The following ZC3H12D variants were observed in gnomAD, a reference collection of about 807,000 sequenced individuals.
ZC3H12D encodes probable ribonuclease ZC3H12D.
In ZC3H12D, 11 loss-of-function variants were observed where a neutral mutation model predicts 24.2. That is an observed-to-expected ratio of 0.46 (90% CI 0.29 to 0.75). ZC3H12D has a LOEUF of 0.75. ZC3H12D is among the 30% of genes least tolerant of loss of function. The probability of loss-of-function intolerance (pLI) is 0.11; values close to 1 mark genes in which losing one functional copy is unlikely to be tolerated. For missense variants in ZC3H12D, 740 were observed against 767.7 expected, an observed-to-expected ratio of 0.96 and a Z score of 0.43; for synonymous variants, 333 against 341.8, an observed-to-expected ratio of 0.97 and a Z score of 0.28.
intron 2 of ZC3H12D, among the ~76,000 whole-genome samples, chr6:149,473,770 T>C (rs578194081): frequency 1.3e-5 from 2 of 152,226 alleles, no homozygotes; most frequent in African/African-American, 4.8e-5. Context: ...AGAAGAGATA[T>C]TTGTGGGCCT....
chr6:149,482,110 G>C (rs1343725491), intron 1 of ZC3H12D, among the ~76,000 whole-genome samples: 1 of 152,230 alleles, frequency 6.6e-6, no homozygotes, highest in Non-Finnish European at 1.5e-5. Flanking sequence ...GAGACTGAAA[G>C]GGGCAAATGT....
chr6:149,465,625 T>C (rs1015781955), intron 2 of ZC3H12D, among the ~76,000 whole-genome samples: 8 of 151,756 alleles, frequency 5.3e-5, no homozygotes, highest in Non-Finnish European at 1.0e-4. Context: ...TGTGATGGCA[T>C]GCACATGTAG....
In ZC3H12D at chr6:149,450,955, C is replaced by A; in HGVS notation, c.1312G>T (p.Ala438Ser). 1 of 1,530,774 alleles carries A rather than the reference C, an allele frequency of 6.5e-7. No individual in the cohort carries two copies. The highest frequency in any genetic ancestry group is 8.8e-7 in the Non-Finnish European group (1 of 1,141,056). 94.8% of individuals were successfully genotyped at this position (1,530,774 alleles called of 1,614,324 possible). A position where few individuals can be genotyped will look rare whatever the true frequency, so the allele number is the denominator to read the frequency against. Residue 438 changes from alanine to serine, a missense_variant, in exon 6 of 6, where the codon GCC becomes TCC. Coordinates refer to ENST00000409806, the MANE Select transcript of ZC3H12D (RefSeq NM_207360.3). ...AAGCGGTCGGAGCGGGGTGGACGGGCCCACGGGTCGTCGGGTGGCCTGCGC... is the reference window on the plus strand; with the variant it reads ...AAGCGGTCGGAGCGGGGTGGACGGGACCACGGGTCGTCGGGTGGCCTGCGC... ...SPRRPPDDPW[A>S]RPPRSDRFPG...
At chr6:149,476,749 A>T (rs1024874807) in intron 1 of ZC3H12D, among the ~76,000 whole-genome samples, 1 of 152,032 alleles carries the variant, frequency 6.6e-6, no homozygotes, top group Non-Finnish European at 1.5e-5. Flanking sequence ...TTGAGGCTGC[A>T]GTGAGCCGAG....
rs1216491734 is a variant in ZC3H12D at position 149,456,654 on chromosome 6, A to C, written c.680+12T>G. 8.3e-6 allele frequency: 8 copies of C among 966,300 alleles called. No individual in the cohort carries two copies. Among genetic ancestry groups the C allele is most frequent in the African/African-American group, 1.7e-5 (1 of 59,854 alleles). The allele number at this position is 966,300 out of a possible 1,614,324, so 59.9% of individuals were successfully genotyped here. A position where few individuals can be genotyped will look rare whatever the true frequency, so the allele number is the denominator to read the frequency against. ...CCGCCCCCCAGGGTGTCAGGACCCC[A>C]GCCGGACCTACCGGTCGTTGACGAA... On this transcript the variant is annotated intron_variant, in intron 4 of 5. Coordinates refer to ENST00000409806, the MANE Select transcript of ZC3H12D (RefSeq NM_207360.3). The surrounding 1 kb of genome is among the most constrained non-coding windows in gnomAD (Gnocchi z 4.3).
intron 1 of ZC3H12D, among the ~76,000 whole-genome samples, chr6:149,482,023 G>A (rs1418922479): frequency 6.6e-6 from 1 of 152,260 alleles, no homozygotes; most frequent in Admixed American, 6.5e-5. Flanking sequence ...GGGGCGCAGG[G>A]ACAGCCGCCC....
At chr6:149,481,928 G>A (rs1260799507) in intron 1 of ZC3H12D, among the ~76,000 whole-genome samples, 1 of 152,254 alleles carries the variant, frequency 6.6e-6, no homozygotes, top group Non-Finnish European at 1.5e-5. Context: ...TCTGAGGAAA[G>A]TCCAAGTTTC....
intron 4 of ZC3H12D, among the ~76,000 whole-genome samples, chr6:149,454,713 C>T (rs1775953836): frequency 6.6e-6 from 1 of 152,242 alleles, no homozygotes; most frequent in Non-Finnish European, 1.5e-5. Context: ...AAGGACTTGG[C>T]TCCCGCCCCA....
chr6:149,459,542 T>G, intron 3 of ZC3H12D: 6 of 716,218 alleles, frequency 8.4e-6, no homozygotes, highest in Admixed American at 6.0e-5. Context: ...GCCATTGCCC[T>G]GCAGTCTTGG....
Position 149,456,653 on chromosome 6 carries a change from C to A in ZC3H12D, c.680+13G>T. ...GCCGCCCCCCAGGGTGTCAGGACCC[C>A]AGCCGGACCTACCGGTCGTTGACGA... On this transcript the variant is annotated intron_variant, in intron 4 of 5. Transcript: ENST00000409806. The surrounding 1 kb of genome is among the most constrained non-coding windows in gnomAD (Gnocchi z 4.3). 1.2e-6 allele frequency: 2 copies of A among 1,608,308 alleles called. No homozygotes were observed. The highest frequency in any genetic ancestry group is 1.7e-6 in the Non-Finnish European group (2 of 1,176,180).
At chr6:149,475,371 T>C (rs948413004) in intron 1 of ZC3H12D, among the ~76,000 whole-genome samples, 3 of 152,206 alleles carry the variant, frequency 2.0e-5, no homozygotes, top group African/African-American at 7.2e-5. Context: ...CTTGCTGCCC[T>C]GCACAGCTTT....
chr6:149,464,663 G>A (rs1053209313), intron 2 of ZC3H12D, among the ~76,000 whole-genome samples: 35 of 152,130 alleles, frequency 2.3e-4, no homozygotes, highest in Admixed American at 2.1e-3. Flanking sequence ...GCCCAGCATC[G>A]TGTCTAATAA....
intron 1 of ZC3H12D, among the ~76,000 whole-genome samples, chr6:149,483,355 A>G (rs142538082): frequency 6.6e-6 from 1 of 152,228 alleles, no homozygotes; most frequent in African/African-American, 2.4e-5. Context: ...AAAATGTACC[A>G]CTGTAACTAT....
At chr6:149,459,154 C>T (rs1776033609) in intron 3 of ZC3H12D, among the ~76,000 whole-genome samples, 1 of 129,364 alleles carries the variant, frequency 7.7e-6, no homozygotes, top group Non-Finnish European at 1.7e-5. Flanking sequence ...CATAAGTTTG[C>T]ACTTGTTGTG....
At position 149,456,630 on chromosome 6, in the gene ZC3H12D, C is replaced by CCCCCCCCCCGGG; in HGVS notation, c.680+35_680+36insCCCGGGGGGGGG. 1 of 1,426,538 alleles carries CCCCCCCCCCGGG rather than the reference C, an allele frequency of 7.0e-7. No homozygotes were observed. Among genetic ancestry groups the CCCCCCCCCCGGG allele is most frequent in the Non-Finnish European group, 9.8e-7 (1 of 1,016,148 alleles). The allele number at this position is 1,426,538 out of a possible 1,614,324, so 88.4% of individuals were successfully genotyped here. ...CCTCGACCCCGGCCCCCCGCCCCGC[C>CCCCCCCCCCGGG]GCCCCCCAGGGTGTCAGGACCCCAG... On this transcript the variant is annotated intron_variant, in intron 4 of 5. Coordinates refer to ENST00000409806, the MANE Select transcript of ZC3H12D (RefSeq NM_207360.3). This position sits in a 1 kb window ranked among gnomAD's most constrained non-coding sequence, Gnocchi z 4.3.
At chr6:149,455,532 C>A (rs2115002429) in intron 4 of ZC3H12D, among the ~76,000 whole-genome samples, 1 of 152,318 alleles carries the variant, frequency 6.6e-6, no homozygotes, top group Middle Eastern at 3.4e-3. Context: ...TCTCCAGACC[C>A]TCATCCACCT....
Position 149,450,689 on chromosome 6 carries a change from C to G in ZC3H12D, c.1578G>C (p.Lys526Asn). The G allele has an allele frequency of 6.5e-7, 1 of 1,527,898 alleles. No individual in the cohort carries two copies. Among genetic ancestry groups the G allele is most frequent in the Non-Finnish European group, 8.8e-7 (1 of 1,135,328 alleles). 94.6% of individuals were successfully genotyped at this position (1,527,898 alleles called of 1,614,324 possible). ...RCQSAGAPLGKP is the reference protein window; with the variant it reads ...RCQSAGAPLGNP ...GCAAGTGCGTGTTGGTCCCTTAGGG[C>G]TTGCCCAGGGGCGCCCCCGCGCTCT... Residue 526 changes from lysine to asparagine, a missense_variant, in exon 6 of 6, where the codon AAG becomes AAC. By Grantham distance (94) the Lys-to-Asn change is moderately conservative. Transcript: ENST00000409806.
intron 2 of ZC3H12D, among the ~76,000 whole-genome samples, chr6:149,468,994 C>T (rs1241148837): frequency 6.6e-6 from 1 of 152,156 alleles, no homozygotes; most frequent in Non-Finnish European, 1.5e-5. Context: ...CTGTGCACTC[C>T]AAAATGAGGA....
Position 149,451,489 on chromosome 6 carries a change from G to T in ZC3H12D, c.788-10C>A, listed in dbSNP as rs765661132. 6.4e-7 allele frequency: 1 copy of T among 1,559,954 alleles called. No individual in the cohort carries two copies. The highest frequency in any genetic ancestry group is 1.1e-5 in the South Asian group (1 of 87,840). On this transcript the variant is annotated splice_polypyrimidine_tract_variant and intron_variant, in intron 5 of 5. Transcript: ENST00000409806. Reference sequence around the variant, plus strand: ...TAGGTGCATTTCTTGCCTGAAAGGGGCGGGGGCAGAGAGGGCGCGACGTGA... The same window carrying T: ...TAGGTGCATTTCTTGCCTGAAAGGGTCGGGGGCAGAGAGGGCGCGACGTGA...
Sources: allele counts gnomAD v4.1 joint callset (sites outside exome capture counted in the v4.1 genomes callset), GRCh38; gene constraint gnomAD v4.1.1; non-coding constraint Gnocchi (gnomAD v3.1); transcripts MANE v1.5; gene names NCBI Gene and HGNC (gene_info 2026-07-23, HGNC 2026-07-21).